C3orf52: variants seen among roughly 807,000 people sequenced by gnomAD.
The protein encoded by C3orf52 is chromosome 3 open reading frame 52, also known as TPA-induced transmembrane protein.
Under a neutral mutation model 24.8 loss-of-function variants are expected in C3orf52, and 22 were observed. The observed-to-expected ratio is 0.89, with a 90% CI of 0.63 to 1.27. The LOEUF (loss-of-function observed/expected upper bound fraction) is 1.27. Ranked by LOEUF, C3orf52 falls within the 50% of genes most tolerant of loss-of-function variation. The pLI is 0.00. For missense variants in C3orf52, 265 were observed against 260.7 expected (o/e 1.02, Z -0.11); for synonymous variants, 93 against 100.2 (o/e 0.93, Z 0.43).
intron 5 of C3orf52, among the ~76,000 whole-genome samples, chr3:112,114,428 G>A (rs1372888993): frequency 1.3e-5 from 2 of 150,232 alleles, no homozygotes; most frequent in African/African-American, 4.9e-5. Context: ...AAAAAGCCAG[G>A]CGCGGTGGCT....
At chr3:112,133,139 G>A (rs1329215464), downstream of C3orf52, 1 of 1,613,676 alleles carries the variant, frequency 6.2e-7, no homozygotes, top group East Asian at 2.2e-5. Context: ...TCCTCTCAGG[G>A]CTTCCCCTCC....
downstream of C3orf52, chr3:112,133,193 A>G: frequency 1.3e-6 from 2 of 1,533,254 alleles, no homozygotes; most frequent in East Asian, 2.3e-5. Context: ...TGACAGGGCA[A>G]CTCCTGACTT....
rs564740551 is a variant in C3orf52 at position 112,091,376 on chromosome 3, T to A, written c.139-1984T>A. Among the ~76,000 whole-genome samples the A allele has an allele frequency of 2.6e-4, 40 of 152,274 alleles. 1 individual carries two copies. Among genetic ancestry groups the A allele is most frequent in the South Asian group, 2.1e-4 (1 of 4,814 alleles). On this transcript the variant is annotated intron_variant, in intron 1 of 5. Transcript: ENST00000264848. ...TTGAACCTGAAACCGGACAGGGCAGTCAGTGGCAACAGCAGATGGGCTATG... is the reference window on the plus strand; with the variant it reads ...TTGAACCTGAAACCGGACAGGGCAGACAGTGGCAACAGCAGATGGGCTATG...
chr3:112,131,203 C>T (rs1328140053), downstream of C3orf52, among the ~76,000 whole-genome samples: 1 of 152,032 alleles, frequency 6.6e-6, no homozygotes, highest in Non-Finnish European at 1.5e-5. Context: ...GAAACTGAGG[C>T]CCAAAATGCT....
intron 2 of C3orf52, among the ~76,000 whole-genome samples, chr3:112,096,024 G>C (rs190880167): frequency 2.8e-4 from 42 of 152,322 alleles, no homozygotes; most frequent in African/African-American, 1.0e-3. Context: ...GGCTGTGCCT[G>C]TGGCTGTCTG....
intron 2 of C3orf52, 118 bp downstream of exon 2, chr3:112,093,607 A>C (rs2073899280): frequency 1.9e-6 from 2 of 1,026,304 alleles, no homozygotes; most frequent in African/African-American, 3.2e-5. Flanking sequence ...TGTGAATTTA[A>C]GACCGGCTTG....
At chr3:112,107,992 G>C (rs2074043127) in intron 3 of C3orf52, among the ~76,000 whole-genome samples, 1 of 152,184 alleles carries the variant, frequency 6.6e-6, no homozygotes, top group African/African-American at 2.4e-5. Context: ...TAAAGTAATA[G>C]GTCATTAAGC....
rs756158835 is a variant in C3orf52 at position 112,128,002 on chromosome 3, C to T, written c.*47-231C>T. ...CACTTAGGGAAATAACTCCTAAAAA[C>T]AACTGTCCACTCACCATGGAAGGCA... On this transcript the variant is annotated intron_variant, in intron 4 of 4. Transcript: ENST00000480282. The T allele has an allele frequency of 5.0e-6, 8 of 1,611,346 alleles. No homozygotes were observed. In the East Asian group the frequency reaches 1.8e-4, roughly 36 times the overall value.
downstream of C3orf52, chr3:112,132,866 A>G (rs927829511): frequency 4.2e-5 from 21 of 500,116 alleles, no homozygotes; most frequent in Admixed American, 3.5e-4. Flanking sequence ...CCTTTCAGCT[A>G]TTCTCCATCA....
chr3:112,105,539 CGTGTGTGT>C (rs3082397), intron 3 of C3orf52, among the ~76,000 whole-genome samples: 1,961 of 148,134 alleles, frequency 0.013, 41 homozygotes, highest in African/African-American at 0.045. Flanking sequence ...CTTCTTTGGC[CGTGTGTGT>C]GTGTGTGTGT....
intron 4 of C3orf52, chr3:112,112,074 G>C (rs2074088469): frequency 6.6e-6 from 1 of 152,246 alleles, no homozygotes; most frequent in Non-Finnish European, 1.5e-5. Flanking sequence ...ACTTCCCCAA[G>C]GTGATAGTCT....
chr3:112,109,542 G>C lies in C3orf52; in HGVS notation c.397-1G>C. 6.3e-7 allele frequency: 1 copy of C among 1,584,198 alleles called. No homozygotes were observed. Among genetic ancestry groups the C allele is most frequent in the South Asian group, 1.1e-5 (1 of 89,008 alleles). On this transcript the variant is annotated splice_acceptor_variant, in intron 3 of 5. Coordinates refer to ENST00000264848, the MANE Select transcript of C3orf52 (RefSeq NM_024616.3). LOFTEE classifies it high-confidence loss of function. The stretch of plus-strand genomic sequence containing the variant: ...GGTTTAATTTGCTTCTGTTTGTTTA[G>C]CTCACAGATGTGTACAGTACATCGC...
At chr3:112,124,617 A>C (rs2074268790) in intron 4 of C3orf52, among the ~76,000 whole-genome samples, 1 of 152,156 alleles carries the variant, frequency 6.6e-6, no homozygotes, top group Admixed American at 6.5e-5. Flanking sequence ...TCCAAAAAAT[A>C]AATAAATAAA....
chr3:112,134,628 C>T (rs1276196773), downstream of C3orf52: 1 of 152,216 alleles, frequency 6.6e-6, no homozygotes, highest in African/African-American at 2.4e-5. Context: ...CAATTTCACT[C>T]CTAGGCATTT....
intron 4 of C3orf52, among the ~76,000 whole-genome samples, chr3:112,124,809 CT>C (rs1330039670): frequency 6.6e-6 from 1 of 152,102 alleles, no homozygotes; most frequent in East Asian, 1.9e-4. Context: ...TGAAGTGAGA[CT>C]TGGTTTTGAA....
In C3orf52 at chr3:112,096,485, A is replaced by G. The variant is rs554709230; in HGVS notation, c.268+2996A>G. ...TTGTTTAGACCTGAGGGTGAGATTTATGGTAAGTATGTGCTCTTATACATG... is the reference window on the plus strand; with the variant it reads ...TTGTTTAGACCTGAGGGTGAGATTTGTGGTAAGTATGTGCTCTTATACATG... On this transcript the variant is annotated intron_variant, in intron 2 of 5. Transcript: ENST00000264848. 2.0e-5 allele frequency among the ~76,000 whole-genome samples: 3 copies of G among 152,336 alleles called. No homozygotes were observed. In the East Asian group the frequency reaches 5.8e-4, roughly 29 times the overall value.
chr3:112,091,853 A>G (rs529952295), intron 1 of C3orf52, among the ~76,000 whole-genome samples: 1 of 152,066 alleles, frequency 6.6e-6, no homozygotes, highest in Non-Finnish European at 1.5e-5. Flanking sequence ...ATATACAAAA[A>G]ATTAGCCGGG....
rs1478073983 is a variant in C3orf52, at chr3:112,109,558, A to G, written c.412A>G (p.Ser138Gly). ...GTTTGTTTAGCTCACAGATGTGTAC[A>G]GTACATCGCCCTCTCTGGGTCGTTA... Reference protein sequence around the residue: ...LLTERLTDVYSTSPSLGRYFT... With the variant: ...LLTERLTDVYGTSPSLGRYFT... Residue 138 changes from serine (S) to glycine (G), a missense_variant, in exon 4 of 6, where the codon AGT becomes GGT. Transcript: ENST00000264848. 5.6e-5 allele frequency: 90 copies of G among 1,599,294 alleles called. No homozygotes were observed. The highest frequency in any genetic ancestry group is 7.1e-5 in the Non-Finnish European group (83 of 1,167,534).
Position 112,106,261 on chromosome 3 carries a change from CTTCT to C in C3orf52, c.397-3279_397-3276del, listed in dbSNP as rs879460012. 0.032 allele frequency among the ~76,000 whole-genome samples: 406 copies of C among 12,720 alleles called. 1 individual carries two copies. In the Non-Finnish European group the frequency reaches 0.35, roughly 11 times the overall value. 8.3% of individuals were successfully genotyped at this position (12,720 alleles called of 152,430 possible). ...GGCCAAAAGCTTCAGATTTCTTCTT[CTTCT>C]TTTTTTTTTCTCCAGACAGTTTTCA... On this transcript the variant is annotated intron_variant, in intron 3 of 5. Coordinates refer to ENST00000264848, the MANE Select transcript of C3orf52 (RefSeq NM_024616.3).
Sources: gnomAD v4.1 joint callset for allele counts (sites outside exome capture counted in the v4.1 genomes callset) on GRCh38, gnomAD v4.1.1 for gene constraint, MANE v1.5 for transcripts, NCBI Gene and HGNC (gene_info 2026-07-23, HGNC 2026-07-21) for gene names.